The following ARHGAP15 variants were observed in gnomAD, a reference collection of about 807,000 sequenced individuals.
The protein encoded by ARHGAP15 is Rho GTPase activating protein 15.
In ARHGAP15, 51 loss-of-function variants were observed where a neutral mutation model predicts 63.7. The ratio of observed to expected loss-of-function variants is 0.80; its 90% CI spans 0.64 to 1.01. The LOEUF is 1.01. Ranked by LOEUF, ARHGAP15 falls within the 50% of genes least tolerant of loss-of-function variation. The pLI is 0.00. For synonymous variants in ARHGAP15, 191 were observed against 193.8 expected, an observed-to-expected ratio of 0.99 and a Z score of 0.12; for missense variants, 560 against 564.6, an observed-to-expected ratio of 0.99 and a Z score of 0.08.
intron 2 of ARHGAP15, among the ~76,000 whole-genome samples, chr2:143,175,868 A>C (rs940374524): frequency 6.6e-6 from 1 of 152,204 alleles, no homozygotes; most frequent in African/African-American, 2.4e-5. Flanking sequence ...AATCCATGTC[A>C]GAGAATCAGA....
In ARHGAP15 at chr2:143,160,302, T is replaced by C. The variant is rs185835791; in HGVS notation, c.165+4647T>C. 1.5e-3 allele frequency among the ~76,000 whole-genome samples: 227 copies of C among 152,102 alleles called. 1 individual carries two copies. In the Middle Eastern group the frequency reaches 0.031, roughly 21 times the overall value. ...ACACTGCATTCTTCAGTTAAATCTC[T>C]CTTATCTCATCAATGTAAGGACAGT... On this transcript the variant is annotated intron_variant, in intron 2 of 13. Coordinates refer to ENST00000295095, the MANE Select transcript of ARHGAP15 (RefSeq NM_018460.4).
chr2:143,456,957 A>G (rs1690687848), intron 8 of ARHGAP15, among the ~76,000 whole-genome samples: 1 of 151,992 alleles, frequency 6.6e-6, no homozygotes, highest in Admixed American at 6.6e-5. Flanking sequence ...AGAAATTAAT[A>G]TATAATAAAA....
rs544798818 is a variant in ARHGAP15 at position 143,527,815 on chromosome 2, C to T, written c.925+8451C>T. On this transcript the variant is annotated intron_variant, in intron 10 of 13. Coordinates refer to ENST00000295095, the MANE Select transcript of ARHGAP15 (RefSeq NM_018460.4). Reference sequence around the variant, plus strand: ...AATTATATTCAACATTGCTGAAATCCTCATTGGAGAGTTGCACACCATTGC... The same window carrying T: ...AATTATATTCAACATTGCTGAAATCTTCATTGGAGAGTTGCACACCATTGC... Among the ~76,000 whole-genome samples the T allele has an allele frequency of 5.3e-5, 8 of 151,972 alleles. No individual in the cohort carries two copies. In the South Asian group the frequency reaches 8.3e-4, roughly 16 times the overall value.
chr2:143,449,570 A>G (rs1412877865), intron 8 of ARHGAP15, among the ~76,000 whole-genome samples: 1 of 152,088 alleles, frequency 6.6e-6, no homozygotes, highest in Non-Finnish European at 1.5e-5. Context: ...TTTTACTCGT[A>G]GACTAAGTTT....
chr2:143,459,383 A>C (rs948522605), intron 8 of ARHGAP15, among the ~76,000 whole-genome samples: 1 of 152,130 alleles, frequency 6.6e-6, no homozygotes, highest in African/African-American at 2.4e-5. Context: ...CATCCTTCTC[A>C]GTAACATTTC....
chr2:143,512,187 A>G (rs1693619610), intron 9 of ARHGAP15, among the ~76,000 whole-genome samples: 1 of 152,206 alleles, frequency 6.6e-6, no homozygotes, highest in African/African-American at 2.4e-5. Flanking sequence ...GTGGCAGCAT[A>G]GCGTCTAGAA....
At chr2:143,327,721 C>G (rs1440952072) in intron 6 of ARHGAP15, among the ~76,000 whole-genome samples, 1 of 152,058 alleles carries the variant, frequency 6.6e-6, no homozygotes, top group African/African-American at 2.4e-5. Flanking sequence ...ACTAAAACAC[C>G]AAAAGCAATG....
intron 11 of ARHGAP15, among the ~76,000 whole-genome samples, chr2:143,560,455 A>T (rs1043434358): frequency 1.3e-5 from 2 of 152,350 alleles, no homozygotes; most frequent in African/African-American, 4.8e-5. Flanking sequence ...TCCTAATGTC[A>T]TACAGCATAT....
chr2:143,472,601 G>A (rs1691630621), intron 8 of ARHGAP15, among the ~76,000 whole-genome samples: 1 of 151,920 alleles, frequency 6.6e-6, no homozygotes, highest in African/African-American at 2.4e-5. Context: ...CATCAGTATT[G>A]TGAGGTTTAA....
intron 13 of ARHGAP15, among the ~76,000 whole-genome samples, chr2:143,740,162 G>A (rs1685907989): frequency 6.6e-6 from 1 of 152,142 alleles, no homozygotes; most frequent in South Asian, 2.1e-4. Flanking sequence ...GAATTTTGCT[G>A]TCAGATATTA....
At chr2:143,538,189 T>C (rs982128646) in intron 10 of ARHGAP15, among the ~76,000 whole-genome samples, 21 of 152,194 alleles carry the variant, frequency 1.4e-4, no homozygotes, top group African/African-American at 5.1e-4. Flanking sequence ...TTGTCTGTTA[T>C]TGCTGTATAG....
intron 12 of ARHGAP15, among the ~76,000 whole-genome samples, chr2:143,646,081 C>T (rs2105286360): frequency 6.6e-6 from 1 of 152,072 alleles, no homozygotes; most frequent in Middle Eastern, 3.4e-3. Flanking sequence ...GTAAGATGAG[C>T]AGGGCATGGT....
intron 13 of ARHGAP15, among the ~76,000 whole-genome samples, chr2:143,731,527 T>C (rs991973907): frequency 1.3e-5 from 2 of 152,224 alleles, no homozygotes; most frequent in Non-Finnish European, 1.5e-5. Flanking sequence ...CAGGTTCCTC[T>C]GTGCGCTCTC....
intron 11 of ARHGAP15, among the ~76,000 whole-genome samples, chr2:143,573,515 T>TG (rs1429518760): frequency 6.6e-6 from 1 of 152,180 alleles, no homozygotes; most frequent in Non-Finnish European, 1.5e-5. Context: ...ACAATAAAAC[T>TG]GTCTTGATCA....
At chr2:143,484,439 C>G (rs186365263) in intron 8 of ARHGAP15, among the ~76,000 whole-genome samples, 18 of 151,284 alleles carry the variant, frequency 1.2e-4, no homozygotes, top group Admixed American at 1.2e-3. Context: ...GGCTGAGGCA[C>G]GAGAATCACT....
chr2:143,203,185 AT>A lies in ARHGAP15; in HGVS notation c.234+986del, dbSNP rs996192619. 8.0e-4 allele frequency among the ~76,000 whole-genome samples: 121 copies of A among 152,030 alleles called. 1 individual carries two copies. Among genetic ancestry groups the A allele is most frequent in the African/African-American group, 2.8e-3 (118 of 41,464 alleles). Reference sequence around the variant, plus strand: ...TGTCCCATCCTTAGCACCAACAATAATTTCTTTTTTTGCTTCAGTGTTCCTG... The same window carrying A: ...TGTCCCATCCTTAGCACCAACAATAATTCTTTTTTTGCTTCAGTGTTCCTG... On this transcript the variant is annotated intron_variant, in intron 3 of 13. Transcript: ENST00000295095.
chr2:143,731,293 A>G (rs1685524952), intron 13 of ARHGAP15, among the ~76,000 whole-genome samples: 1 of 152,168 alleles, frequency 6.6e-6, no homozygotes, highest in African/African-American at 2.4e-5. Flanking sequence ...ATACAGTTAG[A>G]GTTGTTAGAT....
chr2:143,240,227 TA>T (rs914017848), intron 5 of ARHGAP15, among the ~76,000 whole-genome samples: 11 of 151,708 alleles, frequency 7.3e-5, no homozygotes, highest in African/African-American at 2.7e-4. Context: ...AATTTACTTT[TA>T]AAAAATATTG....
intron 11 of ARHGAP15, among the ~76,000 whole-genome samples, chr2:143,617,376 A>G (rs1019965961): frequency 1.2e-4 from 18 of 152,218 alleles, no homozygotes; most frequent in Admixed American, 5.9e-4. Context: ...TTTAAACACC[A>G]GAAATGTATT....
Sources: allele counts gnomAD v4.1 joint callset (sites outside exome capture counted in the v4.1 genomes callset), GRCh38; gene constraint gnomAD v4.1.1; transcripts MANE v1.5; gene names NCBI Gene and HGNC (gene_info 2026-07-23, HGNC 2026-07-21).